Variants in RSU1 observed in about 807,000 individuals in gnomAD.
RSU1 encodes the protein Ras suppressor protein 1.
Under a neutral mutation model 31.1 loss-of-function variants are expected in RSU1, and 26 were observed. That is an observed-to-expected ratio of 0.84 (90% confidence interval 0.61 to 1.16). RSU1 has a LOEUF of 1.16. Ranked by LOEUF, RSU1 falls within the 50% of genes most tolerant of loss-of-function variation. The pLI, the probability that RSU1 is intolerant of heterozygous loss-of-function variation, is 0.00. For missense variants in RSU1, 320 were observed against 339.1 expected, an observed-to-expected ratio of 0.94 and a Z score of 0.44; for synonymous variants, 164 against 136.3, an observed-to-expected ratio of 1.20 and a Z score of -1.41.
chr10:16,712,945 C>T (rs971246584), intron 7 of RSU1, among the ~76,000 whole-genome samples: 46 of 152,284 alleles, frequency 3.0e-4, no homozygotes, highest in Admixed American at 5.2e-4. Flanking sequence ...TCCTTCATTT[C>T]TGAAGGATAA....
In RSU1 at chr10:16,731,562, G is replaced by C. The variant is rs554295883; in HGVS notation, c.598+20977C>G. Among the ~76,000 whole-genome samples the C allele has an allele frequency of 2.6e-5, 4 of 152,250 alleles. No individual in the cohort carries two copies. In the South Asian group the frequency reaches 8.3e-4, roughly 32 times the overall value. On this transcript the variant is annotated intron_variant, in intron 7 of 8. Coordinates refer to ENST00000345264, the MANE Select transcript of RSU1 (RefSeq NM_012425.4). ...AAGGTTGGAAGCTTTTACGGTGCCT[G>C]GCATATACTCCAAAAATGGGTCTAG...
At chr10:16,771,869 G>A (rs963869229) in intron 3 of RSU1, among the ~76,000 whole-genome samples, 4 of 152,206 alleles carry the variant, frequency 2.6e-5, no homozygotes, top group African/African-American at 9.6e-5. Flanking sequence ...GGTTCTACAT[G>A]TTCCTCAAGG....
chr10:16,780,771 G>T (rs370542080), intron 3 of RSU1, among the ~76,000 whole-genome samples: 1 of 152,090 alleles, frequency 6.6e-6, no homozygotes, highest in African/African-American at 2.4e-5. Flanking sequence ...TGTGGACCAC[G>T]GGACCATTTC....
rs1835651765 is a variant in RSU1 at position 16,695,174 on chromosome 10, A to AAG, written c.599-20_599-19insCT. 1 of 1,585,632 alleles carries AAG rather than the reference A, an allele frequency of 6.3e-7. No homozygotes were observed. The highest frequency in any genetic ancestry group is 8.6e-7 in the Non-Finnish European group (1 of 1,161,338). On this transcript the variant is annotated intron_variant, in intron 7 of 8. Transcript: ENST00000345264. ...AAGTTTCCTGGGGGGGGGGAAAAAA[A>AAG]AAGTGAAGGTCACTTCATCCAATAC...
At chr10:16,722,837 T>C (rs1836295481) in intron 7 of RSU1, among the ~76,000 whole-genome samples, 1 of 113,632 alleles carries the variant, frequency 8.8e-6, no homozygotes, top group Non-Finnish European at 1.9e-5. Flanking sequence ...CAGCCACATA[T>C]ATGTATATAT....
chr10:16,806,720 G>A (rs571804594), intron 2 of RSU1, among the ~76,000 whole-genome samples: 2 of 152,158 alleles, frequency 1.3e-5, no homozygotes, highest in South Asian at 4.1e-4. Context: ...AGGCATCTTT[G>A]ACACGCCCTA....
At chr10:16,721,828 C>A (rs373728739) in intron 7 of RSU1, 2 of 152,168 alleles carry the variant, frequency 1.3e-5, no homozygotes, top group African/African-American at 4.8e-5. Context: ...TATTTACCCT[C>A]TCTGCATCTC....
intron 8 of RSU1, among the ~76,000 whole-genome samples, chr10:16,638,695 A>C (rs1164397504): frequency 1.3e-5 from 2 of 152,212 alleles, no homozygotes; most frequent in East Asian, 3.9e-4. Flanking sequence ...TGTCATTAAA[A>C]TACACACAGC....
chr10:16,718,963 A>G (rs1408031786), intron 7 of RSU1, among the ~76,000 whole-genome samples: 1 of 146,672 alleles, frequency 6.8e-6, no homozygotes. Flanking sequence ...CCTGGGCAAC[A>G]GAGAGTGAAA....
intron 7 of RSU1, among the ~76,000 whole-genome samples, chr10:16,702,106 A>G (rs1473658448): frequency 6.6e-6 from 1 of 152,204 alleles, no homozygotes; most frequent in Non-Finnish European, 1.5e-5. Flanking sequence ...CTCAAGAACT[A>G]TTCACTGACT....
At position 16,731,624 on chromosome 10, in the gene RSU1, T is replaced by C. The variant is rs57102602; in HGVS notation, c.598+20915A>G. ...TAATTTACAATCCAACAGCAATGCA[T>C]GAAAATGTCTATTGCACCAAACCTT... On this transcript the variant is annotated intron_variant, in intron 7 of 8. Transcript: ENST00000345264. 6.8e-3 allele frequency among the ~76,000 whole-genome samples: 1,040 copies of C among 152,292 alleles called. 11 individuals are homozygous for C. The highest frequency in any genetic ancestry group is 0.022 in the South Asian group (108 of 4,830).
chr10:16,647,772 A>AT, intron 8 of RSU1, among the ~76,000 whole-genome samples: 1 of 152,300 alleles, frequency 6.6e-6, no homozygotes, highest in Non-Finnish European at 1.5e-5. Context: ...GTATGAATAT[A>AT]TAAAAAGCTA....
At chr10:16,794,236 G>A (rs1232084198) in intron 2 of RSU1, among the ~76,000 whole-genome samples, 6 of 152,122 alleles carry the variant, frequency 3.9e-5, no homozygotes, top group African/African-American at 1.4e-4. Context: ...AATCACCTGG[G>A]CCAATTTCCA....
intron 8 of RSU1, among the ~76,000 whole-genome samples, chr10:16,659,184 ATCCTTTGATAAAGAGAAAGT>A (rs1424679924): frequency 6.6e-6 from 1 of 151,938 alleles, no homozygotes; most frequent in Non-Finnish European, 1.5e-5. Context: ...TATTAATGGT[ATCCTTTGATAAAGAGAAAGT>A]TCATTTTAAT....
intron 2 of RSU1, among the ~76,000 whole-genome samples, chr10:16,785,004 G>A (rs1174731463): frequency 6.6e-6 from 1 of 152,200 alleles, no homozygotes; most frequent in African/African-American, 2.4e-5. Flanking sequence ...CAAAGGTGGT[G>A]TGATGGTTAA....
intron 8 of RSU1, among the ~76,000 whole-genome samples, chr10:16,631,270 TG>T (rs1041217907): frequency 2.0e-5 from 3 of 152,190 alleles, no homozygotes; most frequent in African/African-American, 7.2e-5. Context: ...GTTCCGAGCG[TG>T]TCTCCAGAGG....
At chr10:16,647,903 C>A (rs1396786579) in intron 8 of RSU1, among the ~76,000 whole-genome samples, 1 of 152,062 alleles carries the variant, frequency 6.6e-6, no homozygotes, top group Non-Finnish European at 1.5e-5. Context: ...CTTTGACTGG[C>A]ACATAGGCAG....
chr10:16,767,752 C>A (rs1837342971), intron 3 of RSU1, among the ~76,000 whole-genome samples: 1 of 152,034 alleles, frequency 6.6e-6, no homozygotes, highest in South Asian at 2.1e-4. Context: ...CATCTCAATA[C>A]CTGGGAGATA....
At chr10:16,809,960 C>T (rs1564365844) in intron 2 of RSU1, among the ~76,000 whole-genome samples, 1 of 150,118 alleles carries the variant, frequency 6.7e-6, no homozygotes, top group Non-Finnish European at 1.5e-5. Context: ...TTGGCTCACA[C>T]CTGTAATCCC....
Sources: gnomAD v4.1 joint callset for allele counts (sites outside exome capture counted in the v4.1 genomes callset) on GRCh38, gnomAD v4.1.1 for gene constraint, MANE v1.5 for transcripts, NCBI Gene and HGNC (gene_info 2026-07-23, HGNC 2026-07-21) for gene names.